Variants in AGMO observed in about 807,000 individuals in gnomAD.
AGMO encodes glyceryl-ether monooxygenase.
Under a neutral mutation model 60.2 loss-of-function variants are expected in AGMO, and 75 were observed. The ratio of observed to expected loss-of-function variants is 1.25; its 90% CI spans 1.03 to 1.51. The LOEUF is 1.51. Ranked by LOEUF, AGMO falls within the 40% of genes most tolerant of loss-of-function variation. The probability of loss-of-function intolerance (pLI) is 0.00; values close to 1 mark genes in which losing one functional copy is unlikely to be tolerated. For synonymous variants in AGMO, 261 were observed against 177.1 expected, an observed-to-expected ratio of 1.47 and a Z score of -3.76; for missense variants, 763 against 525.5, an observed-to-expected ratio of 1.45 and a Z score of -4.42.
intron 3 of AGMO, among the ~76,000 whole-genome samples, chr7:15,525,021 C>T (rs1439113680): frequency 3.3e-5 from 5 of 152,028 alleles, no homozygotes; most frequent in Non-Finnish European, 7.4e-5. Context: ...TCTTCTTGGT[C>T]AAGGGGACCC....
intron 5 of AGMO, among the ~76,000 whole-genome samples, chr7:15,405,367 T>G (rs773120745): frequency 5.3e-5 from 8 of 151,916 alleles, no homozygotes; most frequent in Non-Finnish European, 1.0e-4. Flanking sequence ...ATGTTTACTA[T>G]CAGCTTCTAT....
chr7:15,274,108 C>T (rs59980921), intron 12 of AGMO, among the ~76,000 whole-genome samples: 188 of 152,228 alleles, frequency 1.2e-3, no homozygotes, highest in African/African-American at 3.9e-3. Flanking sequence ...ATTGAATACC[C>T]TTTATTTCCT....
At chr7:15,483,984 T>C (rs1350752401) in intron 3 of AGMO, among the ~76,000 whole-genome samples, 1 of 152,208 alleles carries the variant, frequency 6.6e-6, no homozygotes, top group Non-Finnish European at 1.5e-5. Context: ...AATGCTTCAA[T>C]GAACGTTCCA....
intron 12 of AGMO, among the ~76,000 whole-genome samples, chr7:15,265,591 C>T (rs988790880): frequency 1.3e-5 from 2 of 151,654 alleles, no homozygotes; most frequent in Admixed American, 6.6e-5. Flanking sequence ...CTATCTCACA[C>T]CCATTAGGCT....
At chr7:15,229,725 TA>T (rs960569040) in intron 12 of AGMO, among the ~76,000 whole-genome samples, 3 of 123,858 alleles carry the variant, frequency 2.4e-5, no homozygotes, top group Non-Finnish European at 3.1e-5. Context: ...ATATTATATA[TA>T]AATTATATAT....
At chr7:15,316,720 A>G (rs1190880876) in intron 12 of AGMO, among the ~76,000 whole-genome samples, 2 of 152,252 alleles carry the variant, frequency 1.3e-5, no homozygotes, top group Non-Finnish European at 2.9e-5. Context: ...GTATTTAGTA[A>G]CGTTTCCCCT....
chr7:15,148,948 C>A, the AGMO span, among the ~76,000 whole-genome samples: 1 of 152,064 alleles, frequency 6.6e-6, no homozygotes, highest in Non-Finnish European at 1.5e-5. Flanking sequence ...TATAAACATT[C>A]CCTTTTCTCC....
intron 12 of AGMO, among the ~76,000 whole-genome samples, chr7:15,263,111 G>A (rs1176055898): frequency 6.6e-6 from 1 of 152,056 alleles, no homozygotes; most frequent in Non-Finnish European, 1.5e-5. Flanking sequence ...CTTCTGCACA[G>A]CAAAAGAAAT....
the AGMO span, among the ~76,000 whole-genome samples, chr7:15,136,462 T>A: frequency 7.9e-5 from 12 of 152,058 alleles, no homozygotes; most frequent in East Asian, 2.3e-3. Context: ...TGAGTCATCA[T>A]TGCTTTAGCA....
chr7:15,372,926 T>C (rs1397487139), intron 10 of AGMO, among the ~76,000 whole-genome samples: 7 of 152,156 alleles, frequency 4.6e-5, no homozygotes, highest in East Asian at 1.9e-4. Flanking sequence ...TAACCATAAA[T>C]AGCTTTATGA....
chr7:15,351,547 A>C (rs1252681293), intron 12 of AGMO, among the ~76,000 whole-genome samples: 2 of 152,190 alleles, frequency 1.3e-5, no homozygotes, highest in African/African-American at 4.8e-5. Context: ...TAGGAAGGAT[A>C]TCATGTGCGT....
intron 3 of AGMO, among the ~76,000 whole-genome samples, chr7:15,460,884 A>G (rs558073450): frequency 6.6e-6 from 1 of 152,330 alleles, no homozygotes; most frequent in South Asian, 2.1e-4. Context: ...GTGATTTATT[A>G]TTAATGAAAT....
At chr7:15,505,259 T>C (rs752848811) in intron 3 of AGMO, among the ~76,000 whole-genome samples, 9 of 152,022 alleles carry the variant, frequency 5.9e-5, no homozygotes, top group Non-Finnish European at 7.4e-5. Context: ...TAAGGCTATT[T>C]ACTTTATGTT....
At chr7:15,243,764 G>A (rs1353429323) in intron 12 of AGMO, among the ~76,000 whole-genome samples, 2 of 151,924 alleles carry the variant, frequency 1.3e-5, no homozygotes, top group African/African-American at 2.4e-5. Context: ...TTCAAAGCAC[G>A]AAAAATTTCA....
At chr7:15,485,002 A>G (rs986809189) in intron 3 of AGMO, among the ~76,000 whole-genome samples, 6 of 152,116 alleles carry the variant, frequency 3.9e-5, no homozygotes, top group African/African-American at 7.2e-5. Context: ...ATAATGTGAT[A>G]TAAGTACAGA....
intron 4 of AGMO, among the ~76,000 whole-genome samples, chr7:15,430,459 G>T: frequency 6.6e-6 from 1 of 151,658 alleles, no homozygotes; most frequent in South Asian, 2.1e-4. Flanking sequence ...TACAAGTAGA[G>T]GCTATTTCTG....
the AGMO span, among the ~76,000 whole-genome samples, chr7:15,143,594 T>C: frequency 6.6e-6 from 1 of 152,142 alleles, no homozygotes; most frequent in South Asian, 2.1e-4. Context: ...GTACTATGGG[T>C]ATATTCAGAA....
intron 5 of AGMO, among the ~76,000 whole-genome samples, chr7:15,402,330 T>C (rs1321661916): frequency 1.3e-5 from 2 of 151,796 alleles, no homozygotes; most frequent in Admixed American, 6.6e-5. Context: ...CTTCTTCTTC[T>C]CTTTTTGTTC....
intron 12 of AGMO, among the ~76,000 whole-genome samples, chr7:15,318,237 C>CT (rs1246596991): frequency 6.6e-6 from 1 of 151,896 alleles, no homozygotes; most frequent in Non-Finnish European, 1.5e-5. Context: ...ATCCTGATCT[C>CT]AAGTGATCCA....
Sources: allele counts gnomAD v4.1 joint callset (sites outside exome capture counted in the v4.1 genomes callset), GRCh38; gene constraint gnomAD v4.1.1; transcripts MANE v1.5; gene names NCBI Gene and HGNC (gene_info 2026-07-23, HGNC 2026-07-21).